The following PDSS2 variants were observed in gnomAD, a reference collection of about 807,000 sequenced individuals.
PDSS2 encodes all trans-polyprenyl-diphosphate synthase PDSS2.
A neutral mutation model predicts 44.5 loss-of-function variants in PDSS2; 31 were observed. The ratio of observed to expected loss-of-function variants is 0.70; its 90% confidence interval spans 0.52 to 0.94. PDSS2 has a LOEUF of 0.94. Ranked by LOEUF, PDSS2 falls within the 40% of genes least tolerant of loss-of-function variation. PDSS2 has a pLI of 0.00. For missense variants in PDSS2, 452 were observed against 482.2 expected (o/e 0.94, Z 0.59); for synonymous variants, 157 against 180.3 (o/e 0.87, Z 1.03).
intron 3 of PDSS2, among the ~76,000 whole-genome samples, chr6:107,267,059 G>A (rs763910906): frequency 1.8e-4 from 27 of 152,158 alleles, no homozygotes; most frequent in Non-Finnish European, 2.9e-4. Flanking sequence ...CAATACCACC[G>A]TTTGAACCTT....
intron 1 of PDSS2, among the ~76,000 whole-genome samples, chr6:107,382,811 T>A (rs1340139593): frequency 6.6e-6 from 1 of 152,098 alleles, no homozygotes; most frequent in Non-Finnish European, 1.5e-5. Context: ...TACCCCATCC[T>A]GAGTGACACA....
intron 4 of PDSS2, among the ~76,000 whole-genome samples, chr6:107,214,038 T>C (rs1012859065): frequency 1.3e-5 from 2 of 152,070 alleles, no homozygotes; most frequent in Non-Finnish European, 2.9e-5. Flanking sequence ...ATATTTTATC[T>C]ATCCCAATAT....
intron 2 of PDSS2, among the ~76,000 whole-genome samples, chr6:107,313,176 T>C (rs1173068766): frequency 6.6e-6 from 1 of 152,224 alleles, no homozygotes; most frequent in Non-Finnish European, 1.5e-5. Flanking sequence ...TTATATCCTA[T>C]GCTGAGAATT....
intron 6 of PDSS2, among the ~76,000 whole-genome samples, chr6:107,201,834 G>A (rs745499749): frequency 1.7e-4 from 26 of 151,938 alleles, no homozygotes; most frequent in Non-Finnish European, 2.2e-4. Flanking sequence ...ACCTTCCCCC[G>A]CAAACTTTTT....
chr6:107,193,984 T>A, intron 6 of PDSS2, 130 bp from the exon 7 acceptor site: 3 of 692,926 alleles, frequency 4.3e-6, no homozygotes, highest in South Asian at 1.6e-5. Context: ...AATATACATA[T>A]TGAACTATAT....
intron 1 of PDSS2, among the ~76,000 whole-genome samples, chr6:107,348,851 T>G (rs1400162841): frequency 1.4e-5 from 2 of 146,476 alleles, no homozygotes; most frequent in Non-Finnish European, 3.0e-5. Context: ...GCTCTTAGCA[T>G]TTTTTTTTAA....
chr6:107,349,088 G>A (rs571656916), intron 1 of PDSS2, among the ~76,000 whole-genome samples: 4 of 152,268 alleles, frequency 2.6e-5, no homozygotes, highest in African/African-American at 9.6e-5. Flanking sequence ...GCATTTAAGA[G>A]TCAGTTCCTA....
intron 6 of PDSS2, among the ~76,000 whole-genome samples, chr6:107,209,768 G>A (rs1773132851): frequency 6.6e-6 from 1 of 151,890 alleles, no homozygotes; most frequent in Non-Finnish European, 1.5e-5. Context: ...GCTGTGCCTG[G>A]TTTCTCTGTC....
chr6:107,457,021 G>T (rs58774023), intron 1 of PDSS2, among the ~76,000 whole-genome samples: 4,929 of 152,226 alleles, frequency 0.032, 265 homozygotes, highest in African/African-American at 0.11. Context: ...TTTTGAGTGT[G>T]TATCATCTAG....
rs150833002 is a variant in PDSS2 at position 107,319,577 on chromosome 6, T to C, written c.431+14621A>G. Among the ~76,000 whole-genome samples, 205 of 152,284 alleles carry C rather than the reference T, an allele frequency of 1.3e-3. 1 individual carries two copies. Among genetic ancestry groups the C allele is most frequent in the African/African-American group, 4.7e-3 (196 of 41,572 alleles). ...AATTAGAAAATGCTAAGGAAAGACC[T>C]AAAATGGATGAATATATTCAACAGA... is the stretch of plus-strand genomic sequence containing the variant. On this transcript the variant is annotated intron_variant, in intron 2 of 7. Coordinates refer to ENST00000369037, the MANE Select transcript of PDSS2 (RefSeq NM_020381.4).
chr6:107,162,494 CAAAAAAAAAAAA>C (rs374615595), intron 7 of PDSS2, among the ~76,000 whole-genome samples: 2 of 58,616 alleles, frequency 3.4e-5, no homozygotes, highest in Non-Finnish European at 3.1e-5. Context: ...GAGACCATCT[CAAAAAAAAAAAA>C]AAAAAAAAAA....
chr6:107,429,901 A>AAAAAAAAAAAT (rs1166637352), intron 1 of PDSS2, among the ~76,000 whole-genome samples: 4 of 31,836 alleles, frequency 1.3e-4, no homozygotes, highest in Non-Finnish European at 2.1e-4. Context: ...AAAAAAAAAA[A>AAAAAAAAAAAT]ATATATATAT....
At chr6:107,222,500 C>CA in intron 4 of PDSS2, among the ~76,000 whole-genome samples, 1 of 151,776 alleles carries the variant, frequency 6.6e-6, no homozygotes, top group East Asian at 1.9e-4. Flanking sequence ...ACTAAAAATA[C>CA]AAAAAATTAG....
intron 1 of PDSS2, among the ~76,000 whole-genome samples, chr6:107,458,412 CAAAAA>C (rs60758453): frequency 6.4e-5 from 5 of 78,158 alleles, no homozygotes; most frequent in Admixed American, 2.5e-4. Flanking sequence ...GACTCCGTCT[CAAAAA>C]AAAAAAAAAA....
intron 6 of PDSS2, among the ~76,000 whole-genome samples, chr6:107,201,609 T>C (rs1394511035): frequency 1.3e-5 from 2 of 152,206 alleles, no homozygotes; most frequent in Non-Finnish European, 2.9e-5. Flanking sequence ...ATGAACTGTT[T>C]CCAATTTCCA....
At chr6:107,244,678 T>C (rs544494899) in intron 4 of PDSS2, among the ~76,000 whole-genome samples, 2 of 152,350 alleles carry the variant, frequency 1.3e-5, no homozygotes, top group African/African-American at 4.8e-5. Flanking sequence ...AAATTTCTTA[T>C]CCAAGTTACT....
chr6:107,449,986 A>G (rs1781814030), intron 1 of PDSS2, among the ~76,000 whole-genome samples: 1 of 152,226 alleles, frequency 6.6e-6, no homozygotes, highest in South Asian at 2.1e-4. Context: ...TACTGTGAAT[A>G]CTGCTGCTAT....
intron 2 of PDSS2, among the ~76,000 whole-genome samples, chr6:107,290,618 C>T (rs9386632): frequency 0.16 from 23,767 of 152,086 alleles, 2,356 homozygotes; most frequent in East Asian, 0.25. Context: ...CTTAAACATG[C>T]CAAGCCTATT....
At chr6:107,368,297 A>G (rs1779024921) in intron 1 of PDSS2, among the ~76,000 whole-genome samples, 1 of 151,790 alleles carries the variant, frequency 6.6e-6, no homozygotes, top group Non-Finnish European at 1.5e-5. Context: ...TTGTATTTCT[A>G]TATATCAGCA....
Sources: gnomAD v4.1 joint callset for allele counts (sites outside exome capture counted in the v4.1 genomes callset) on GRCh38, gnomAD v4.1.1 for gene constraint, MANE v1.5 for transcripts, NCBI Gene and HGNC (gene_info 2026-07-23, HGNC 2026-07-21) for gene names.